Variants in STAG3 observed in about 807,000 individuals in gnomAD.
STAG3 encodes the protein STAG3 cohesin complex component.
STAG3 carries 101 observed loss-of-function variants against 160.7 expected under a neutral mutation model. The ratio of observed to expected loss-of-function variants is 0.63; its 90% CI spans 0.54 to 0.74. The LOEUF (loss-of-function observed/expected upper bound fraction) is 0.74, where lower values mean the gene tolerates loss of function less well. STAG3 is among the 30% of genes least tolerant of loss of function. The pLI is 0.00. For synonymous variants in STAG3, 519 were observed against 585.0 expected (o/e 0.89, Z 1.63); for missense variants, 1,188 against 1,517.4 (o/e 0.78, Z 3.61).
Position 100,211,077 on chromosome 7 carries a change from T to TTCCCC in STAG3, c.3305_3306insTCCCC (p.Thr1105ArgfsTer11). ...GAAGAAAGTCTGCAGCTGAACAGCATCCCGCCCACGCCCACCCTCACCTCC... is the reference window on the plus strand; with the variant it reads ...GAAGAAAGTCTGCAGCTGAACAGCATTCCCCCCCGCCCACGCCCACCCTCACCTCC... On this transcript the variant is annotated frameshift_variant, in exon 30 of 34. Coordinates refer to ENST00000615138, the MANE Select transcript of STAG3 (RefSeq NM_001282717.2). LOFTEE classifies it high-confidence loss of function. 3.7e-6 allele frequency: 6 copies of TTCCCC among 1,600,764 alleles called. No individual in the cohort carries two copies. The highest frequency in any genetic ancestry group is 1.1e-5 in the South Asian group (1 of 90,828).
chr7:100,198,050 T>C (rs746328217), intron 11 of STAG3, 37 bp from the exon 12 acceptor site: 156 of 1,602,984 alleles, frequency 9.7e-5, no homozygotes, highest in Non-Finnish European at 1.3e-4. Context: ...TTGGAATGGG[T>C]GTAATGAGAT....
At chr7:100,213,942 G>T (rs1802533098) in intron 33 of STAG3, 65 bp from the exon 34 acceptor site, 6 of 1,613,774 alleles carry the variant, frequency 3.7e-6, no homozygotes, top group Admixed American at 3.3e-5. Flanking sequence ...TAACCCAGGG[G>T]AGGATGGTCT....
rs781401928 is a variant in STAG3 at position 100,199,534 on chromosome 7, A to C, written c.1574-7A>C. ...ATTCTATGTTTTTGATCCTCCTGGC[A>C]CTCCAGACCTGGGTGATGTGCAGGA... On this transcript the variant is annotated splice_region_variant and splice_polypyrimidine_tract_variant and intron_variant, in intron 15 of 33. Coordinates refer to ENST00000615138, the MANE Select transcript of STAG3 (RefSeq NM_001282717.2). 2.5e-6 allele frequency: 4 copies of C among 1,596,926 alleles called. No individual in the cohort carries two copies. Among genetic ancestry groups the C allele is most frequent in the South Asian group, 1.1e-5 (1 of 88,378 alleles).
intron 8 of STAG3, among the ~76,000 whole-genome samples, chr7:100,190,169 A>G (rs1800269382): frequency 6.6e-6 from 1 of 152,230 alleles, no homozygotes; most frequent in Non-Finnish European, 1.5e-5. Flanking sequence ...GGCTCATAGT[A>G]GATACTTGTT....
At chr7:100,201,746 C>G in intron 21 of STAG3, 40 bp from the exon 22 acceptor site, 1 of 1,591,340 alleles carries the variant, frequency 6.3e-7, no homozygotes, top group African/African-American at 1.3e-5. Context: ...TCTCCCTCTC[C>G]TAACCCAAAC....
At chr7:100,197,594 G>T (rs1800771598) in intron 10 of STAG3, 184 bp from the exon 11 acceptor site, 6 of 667,306 alleles carry the variant, frequency 9.0e-6, no homozygotes, top group Non-Finnish European at 1.6e-5. Flanking sequence ...GAGTACTGCT[G>T]TGATCCTTTT....
downstream of STAG3, among the ~76,000 whole-genome samples, chr7:100,217,948 G>A (rs1802910687): frequency 6.6e-6 from 1 of 150,690 alleles, no homozygotes; most frequent in African/African-American, 2.4e-5. Context: ...GGCTGTGGGC[G>A]GGCCTGACTG....
rs372921469 is a variant in STAG3, at chr7:100,202,323, C to T, written c.2546C>T (p.Pro849Leu). The T allele has an allele frequency of 5.6e-5, 91 of 1,613,978 alleles. No homozygotes were observed. The highest frequency in any genetic ancestry group is 3.6e-4 in the East Asian group (16 of 44,902). ...SFLMDHVFIQ[P>L]GDLGSGDSQE... is the part of the protein sequence containing the mutation. The stretch of plus-strand genomic sequence containing the variant: ...CTCATGGACCACGTCTTCATCCAGC[C>T]GGGAGACCTGGGCAGTGGTGCAGTG... Residue 849 changes from proline to leucine, a missense_variant, in exon 24 of 34, where the codon CCG becomes CTG. Physicochemically the swap from Pro to Leu is moderately conservative, Grantham distance 98. Transcript: ENST00000615138.
Position 100,202,265 on chromosome 7 carries a change from G to T in STAG3, c.2488G>T (p.Glu830Ter). The change falls in exon 24 of 34, where the codon GAA becomes TAA. Residue 830 changes from glutamate (E) to a stop codon, truncating the protein, a stop_gained. Transcript: ENST00000615138. LOFTEE classifies it high-confidence loss of function. ...DFLRPLVFFPEATLQSELASF... is the reference protein window; with the variant it reads ...DFLRPLVFFP ...CCTTAGGCCACTTGTCTTTTTTCCT[G>T]AAGCTACTCTCCAGTCTGAGCTAGC... 6.2e-7 allele frequency: 1 copy of T among 1,614,050 alleles called. No individual in the cohort carries two copies. Among genetic ancestry groups the T allele is most frequent in the Non-Finnish European group, 8.5e-7 (1 of 1,180,000 alleles).
chr7:100,194,855 T>A (rs992329636), intron 8 of STAG3, among the ~76,000 whole-genome samples: 2 of 152,102 alleles, frequency 1.3e-5, no homozygotes, highest in Admixed American at 1.3e-4. Context: ...GATACCATAA[T>A]GAAAAGGTTT....
intron 30 of STAG3, 78 bp from the exon 31 acceptor site, chr7:100,211,357 C>T: frequency 6.5e-7 from 1 of 1,529,910 alleles, no homozygotes; most frequent in Admixed American, 1.8e-5. Context: ...GAGCTTTTCT[C>T]CCCATTAACA....
At chr7:100,212,989 T>C (rs1374698306) in intron 32 of STAG3, 1 of 154,384 alleles carries the variant, frequency 6.5e-6, no homozygotes, top group Non-Finnish European at 1.5e-5. Context: ...GAGTTCAGGC[T>C]ACTGTAACAG....
intron 33 of STAG3, 30 bp from the exon 34 acceptor site, chr7:100,213,977 T>C (rs762222859): frequency 1.2e-6 from 2 of 1,614,220 alleles, no homozygotes; most frequent in Non-Finnish European, 8.5e-7. Context: ...TGCTGTGTCC[T>C]GTGTATTCCT....
chr7:100,217,069 TCA>T, downstream of STAG3, among the ~76,000 whole-genome samples: 1 of 152,360 alleles, frequency 6.6e-6, no homozygotes, highest in South Asian at 2.1e-4. Flanking sequence ...CTCTCTTCCC[TCA>T]CAATACTGAT....
At chr7:100,200,164 G>C in intron 16 of STAG3, 72 bp from the exon 17 acceptor site, 1 of 1,105,066 alleles carries the variant, frequency 9.0e-7, no homozygotes, top group Non-Finnish European at 1.3e-6. Context: ...GTCATGGGGA[G>C]GAGGACTGCA....
At chr7:100,195,707 G>C (rs1450586972) in intron 9 of STAG3, among the ~76,000 whole-genome samples, 31 of 152,224 alleles carry the variant, frequency 2.0e-4, no homozygotes, top group Non-Finnish European at 1.5e-5. Context: ...GCAGAGAATA[G>C]AAAGGCGGGG....
chr7:100,213,921 G>C lies in STAG3; in HGVS notation c.3673-86G>C. The C allele has an allele frequency of 7.4e-6, 12 of 1,613,324 alleles. No homozygotes were observed. In the South Asian group the frequency reaches 1.2e-4, roughly 16 times the overall value. ...GGGTGGCCCTCTGGGCTGTCTCTGG[G>C]GCTTTGAGGGTAACCCAGGGGAGGA... On this transcript the variant is annotated intron_variant, in intron 33 of 33. Coordinates refer to ENST00000615138, the MANE Select transcript of STAG3 (RefSeq NM_001282717.2).
intron 1 of STAG3, among the ~76,000 whole-genome samples, chr7:100,178,613 A>G: frequency 7.1e-6 from 1 of 141,234 alleles, no homozygotes. Context: ...TTTTTTAGAG[A>G]CAGGGCGTTG....
rs1479410094 is a variant in STAG3 at position 100,180,584 on chromosome 7, G to A, written c.28G>A (p.Gly10Arg). 5 of 1,613,126 alleles carry A rather than the reference G, an allele frequency of 3.1e-6. No individual in the cohort carries two copies. In the African/African-American group the frequency reaches 4.0e-5, roughly 13 times the overall value. The change falls in exon 2 of 34, where the codon GGA (glycine) becomes AGA (arginine). Residue 10 changes from glycine (G) to arginine (R), a missense_variant. Gly to Arg is a moderately radical substitution (Grantham distance 125). Transcript: ENST00000615138. MSSPLQRAV[G>R]DTKRALSASS... ...GTCTTCCCCGTTGCAAAGAGCTGTG[G>A]GAGATACCAAGAGGGCCTTGTCTGC...
Sources: gnomAD v4.1 joint callset for allele counts (sites outside exome capture counted in the v4.1 genomes callset) on GRCh38, gnomAD v4.1.1 for gene constraint, MANE v1.5 for transcripts, NCBI Gene and HGNC (gene_info 2026-07-23, HGNC 2026-07-21) for gene names.